The following CNTLN variants were observed in gnomAD, a reference collection of about 807,000 sequenced individuals.
CNTLN encodes the protein centlein, centrosomal protein.
A neutral mutation model predicts 180.0 loss-of-function variants in CNTLN; 212 were observed. The ratio of observed to expected loss-of-function variants is 1.18; its 90% CI spans 1.05 to 1.32. The LOEUF (loss-of-function observed/expected upper bound fraction) is 1.32. Ranked by LOEUF, CNTLN falls within the 40% of genes most tolerant of loss-of-function variation. The pLI is 0.00. For missense variants in CNTLN, 2,095 were observed against 1,610.9 expected (o/e 1.30, Z -5.14); for synonymous variants, 722 against 563.1 (o/e 1.28, Z -3.99).
At chr9:17,508,687 T>G (rs543788902), downstream of CNTLN, among the ~76,000 whole-genome samples, 4 of 152,360 alleles carry the variant, frequency 2.6e-5, no homozygotes, top group African/African-American at 7.2e-5. Flanking sequence ...TGACATTGGC[T>G]TCTTTCAGAG....
intron 2 of CNTLN, among the ~76,000 whole-genome samples, chr9:17,174,655 C>T (rs948700793): frequency 3.3e-5 from 5 of 151,002 alleles, no homozygotes; most frequent in African/African-American, 9.8e-5. Context: ...GAGATTGTGC[C>T]ACTGCACTCC....
At chr9:17,267,817 C>A (rs1023769071) in intron 5 of CNTLN, among the ~76,000 whole-genome samples, 1 of 152,184 alleles carries the variant, frequency 6.6e-6, no homozygotes, top group South Asian at 2.1e-4. Context: ...ACCCTTTCTT[C>A]CAGTTGATCG....
At chr9:17,445,643 C>T (rs1345367063) in intron 18 of CNTLN, among the ~76,000 whole-genome samples, 1 of 152,168 alleles carries the variant, frequency 6.6e-6, no homozygotes, top group Non-Finnish European at 1.5e-5. Flanking sequence ...TACCCAGGGA[C>T]ACAAAAACTG....
At chr9:17,452,674 A>T (rs1247063215) in intron 18 of CNTLN, among the ~76,000 whole-genome samples, 1 of 152,196 alleles carries the variant, frequency 6.6e-6, no homozygotes, top group Non-Finnish European at 1.5e-5. Context: ...TGCCAACTAC[A>T]TAGTGTGTGT....
intron 5 of CNTLN, among the ~76,000 whole-genome samples, chr9:17,258,816 A>C (rs1464949421): frequency 6.9e-6 from 1 of 144,932 alleles, no homozygotes; most frequent in Non-Finnish European, 1.5e-5. Flanking sequence ...ATTTTTGTAC[A>C]TTGATTTTGT....
chr9:17,299,856 C>T, intron 7 of CNTLN: 2 of 940,276 alleles, frequency 2.1e-6, no homozygotes, highest in Non-Finnish European at 2.5e-6. Flanking sequence ...CATTTTTTTC[C>T]CCTCTTGGCT....
chr9:17,344,273 A>G (rs140559807), intron 12 of CNTLN, among the ~76,000 whole-genome samples: 9 of 152,314 alleles, frequency 5.9e-5, no homozygotes, highest in South Asian at 2.1e-4. Flanking sequence ...TAGCTCCTTG[A>G]ATTAAATGCC....
chr9:17,280,242 G>A (rs887105267), intron 6 of CNTLN, among the ~76,000 whole-genome samples: 11 of 152,178 alleles, frequency 7.2e-5, no homozygotes, highest in African/African-American at 2.7e-4. Context: ...GAGGTGGGAA[G>A]AAGTATTGTT....
intron 8 of CNTLN, among the ~76,000 whole-genome samples, chr9:17,324,289 C>G (rs569342821): frequency 1.3e-5 from 2 of 152,184 alleles, no homozygotes; most frequent in East Asian, 3.9e-4. Flanking sequence ...ATGCCACTAA[C>G]AGAAACATTT....
chr9:17,275,030 AC>A (rs1828221176), intron 6 of CNTLN, among the ~76,000 whole-genome samples: 2 of 152,240 alleles, frequency 1.3e-5, no homozygotes, highest in South Asian at 4.1e-4. Flanking sequence ...AGACTGGTTA[AC>A]ATATCAACTC....
At chr9:17,142,912 T>C (rs1487344636) in intron 1 of CNTLN, among the ~76,000 whole-genome samples, 1 of 152,120 alleles carries the variant, frequency 6.6e-6, no homozygotes, top group Non-Finnish European at 1.5e-5. Context: ...CTAGGAAGCA[T>C]TATAGAGTGA....
intron 18 of CNTLN, among the ~76,000 whole-genome samples, chr9:17,437,797 A>G (rs973763772): frequency 1.3e-5 from 2 of 152,180 alleles, no homozygotes; most frequent in East Asian, 3.8e-4. Context: ...AAACTGTGAG[A>G]TATAGAGATA....
At position 17,364,160 on chromosome 9, in the gene CNTLN, G is replaced by A. The variant is rs574300223; in HGVS notation, c.1887-2457G>A. Among the ~76,000 whole-genome samples, 89 of 152,112 alleles carry A rather than the reference G, an allele frequency of 5.9e-4. 3 individuals carry two copies. The highest frequency in any genetic ancestry group is 2.0e-3 in the African/African-American group (82 of 41,526). On this transcript the variant is annotated intron_variant, in intron 12 of 25. Transcript: ENST00000380647. ...AGGCTATTAATTCATATCTTCATCAGTTCTCAAATCCTGAGCTATTAATAT... is the reference window on the plus strand; with the variant it reads ...AGGCTATTAATTCATATCTTCATCAATTCTCAAATCCTGAGCTATTAATAT...
intron 2 of CNTLN, among the ~76,000 whole-genome samples, chr9:17,207,493 G>A (rs770490992): frequency 5.9e-5 from 9 of 152,160 alleles, no homozygotes; most frequent in Non-Finnish European, 1.0e-4. Flanking sequence ...GTCAGCACAC[G>A]AGGGAATCTT....
intron 6 of CNTLN, among the ~76,000 whole-genome samples, chr9:17,284,043 C>T (rs1828825311): frequency 1.3e-5 from 2 of 151,702 alleles, no homozygotes; most frequent in African/African-American, 4.8e-5. Context: ...TTTTTTGAGA[C>T]AGAGTTTCGC....
chr9:17,300,046 C>T lies in CNTLN; in HGVS notation c.1146+1694C>T, dbSNP rs559648437. 3 of 152,816 alleles carry T rather than the reference C, an allele frequency of 2.0e-5. No individual in the cohort carries two copies. The East Asian group carries it at 5.8e-4, about 30-fold the overall frequency. The allele number at this position is 152,816 out of a possible 1,614,324, so 9.5% of individuals were successfully genotyped here. ...CACACCCTAGGTGATTTCATCTAAT[C>T]ACCTTGACTTTCAAAGTTACACTGC... On this transcript the variant is annotated intron_variant, in intron 7 of 25. Transcript: ENST00000380647.
chr9:17,184,158 A>G (rs1821290133), intron 2 of CNTLN, among the ~76,000 whole-genome samples: 1 of 152,158 alleles, frequency 6.6e-6, no homozygotes, highest in South Asian at 2.1e-4. Context: ...TTTTCGTGAA[A>G]TAGCTTTAAA....
intron 2 of CNTLN, among the ~76,000 whole-genome samples, chr9:17,186,735 T>G (rs758959697): frequency 1.3e-5 from 2 of 152,184 alleles, no homozygotes; most frequent in Non-Finnish European, 2.9e-5. Context: ...ATTTAGATAC[T>G]TATTGCCTGA....
chr9:17,458,243 G>A (rs909259897), intron 19 of CNTLN, among the ~76,000 whole-genome samples: 2 of 150,850 alleles, frequency 1.3e-5, no homozygotes, highest in African/African-American at 4.9e-5. Context: ...AAGAATCTAA[G>A]ACCAAGCGAA....
Sources: allele counts gnomAD v4.1 joint callset (sites outside exome capture counted in the v4.1 genomes callset), GRCh38; gene constraint gnomAD v4.1.1; transcripts MANE v1.5; gene names NCBI Gene and HGNC (gene_info 2026-07-23, HGNC 2026-07-21).